Variants in THOC1 observed in about 807,000 individuals in gnomAD.
The protein encoded by THOC1 is THO complex subunit 1, also known as THO complex 1.
In THOC1, 29 loss-of-function variants were observed where a neutral mutation model predicts 97.3. That is an observed-to-expected ratio of 0.30 (90% CI 0.22 to 0.41). THOC1 has a LOEUF of 0.41. THOC1 is among the 10% of genes least tolerant of loss of function. The probability of loss-of-function intolerance (pLI) is 1.00; values close to 1 mark genes in which losing one functional copy is unlikely to be tolerated. For synonymous variants in THOC1, 255 were observed against 257.0 expected (o/e 0.99, Z 0.07); for missense variants, 529 against 761.9 (o/e 0.69, Z 3.60).
chr18:233,345 G>T (rs762275846), intron 11 of THOC1, among the ~76,000 whole-genome samples: 1 of 152,214 alleles, frequency 6.6e-6, no homozygotes. Flanking sequence ...CCAGCACTTT[G>T]GGAGGCTGAG....
At chr18:233,357 C>T (rs1191737942) in intron 11 of THOC1, among the ~76,000 whole-genome samples, 3 of 152,152 alleles carry the variant, frequency 2.0e-5, no homozygotes, top group South Asian at 2.1e-4. Context: ...GAGGCTGAGG[C>T]GGGCAGATCA....
chr18:248,992 T>C (rs181638330), intron 9 of THOC1, among the ~76,000 whole-genome samples: 197 of 152,248 alleles, frequency 1.3e-3, no homozygotes, highest in African/African-American at 4.6e-3. Context: ...CTTCATGATC[T>C]GCCCACCTCA....
At chr18:262,054 T>A (rs945703903) in intron 4 of THOC1, among the ~76,000 whole-genome samples, 1 of 152,212 alleles carries the variant, frequency 6.6e-6, no homozygotes, top group Non-Finnish European at 1.5e-5. Flanking sequence ...CATCCTTCCA[T>A]GGTTTTGTTC....
intron 4 of THOC1, chr18:260,885 G>T (rs1387619471): frequency 1.3e-5 from 2 of 152,062 alleles, no homozygotes; most frequent in African/African-American, 4.8e-5. Context: ...ATGTACATAT[G>T]GTTATGACAA....
intron 17 of THOC1, among the ~76,000 whole-genome samples, chr18:220,921 T>C (rs180944215): frequency 3.3e-5 from 5 of 152,312 alleles, no homozygotes; most frequent in Non-Finnish European, 7.4e-5. Context: ...TGACTCTCAG[T>C]GTCAGACTCT....
chr18:218,894 AT>A lies in THOC1; in HGVS notation c.1445del (p.Asn482MetfsTer6). The A allele has an allele frequency of 6.3e-7, 1 of 1,597,084 alleles. No individual in the cohort carries two copies. The highest frequency in any genetic ancestry group is 1.7e-5 in the Admixed American group (1 of 57,984). The stretch of plus-strand genomic sequence containing the variant: ...ATGAGGAGCATACTTACTTATATTC[AT>A]TTTCCACCATATTTTCAGGGTCTGC... ...EQADPENMVE[N>X]EYKAVNNSNY... On this transcript the variant is annotated frameshift_variant, in exon 18 of 21. Transcript: ENST00000261600. LOFTEE classifies it high-confidence loss of function.
At chr18:216,761 T>C in intron 18 of THOC1, 128 bp from the exon 19 acceptor site, 1 of 1,280,404 alleles carries the variant, frequency 7.8e-7, no homozygotes, top group Non-Finnish European at 1.0e-6. Flanking sequence ...TGTATTTGAA[T>C]CTTATTCCTA....
chr18:217,280 T>C (rs1910925856), intron 18 of THOC1, among the ~76,000 whole-genome samples: 1 of 152,218 alleles, frequency 6.6e-6, no homozygotes, highest in South Asian at 2.1e-4. Flanking sequence ...CCATAGACAC[T>C]GGGGACTCTT....
At chr18:259,958 CAA>C in intron 5 of THOC1, 1 of 522,666 alleles carries the variant, frequency 1.9e-6, no homozygotes, top group Non-Finnish European at 3.3e-6. Flanking sequence ...TGTGAATTTT[CAA>C]GTTAATTTTT....
chr18:229,037 C>G (rs954896254), intron 11 of THOC1, among the ~76,000 whole-genome samples: 1 of 152,178 alleles, frequency 6.6e-6, no homozygotes, highest in Non-Finnish European at 1.5e-5. Flanking sequence ...CATTTCATTT[C>G]TTGGCCCCCA....
intron 11 of THOC1, among the ~76,000 whole-genome samples, chr18:237,838 A>G (rs9949413): frequency 0.011 from 1,723 of 152,280 alleles, 40 homozygotes; most frequent in African/African-American, 0.039. Context: ...ATTGTATAAA[A>G]ACAACTAAAT....
intron 11 of THOC1, among the ~76,000 whole-genome samples, chr18:237,115 T>G (rs1200258400): frequency 6.6e-6 from 1 of 151,906 alleles, no homozygotes; most frequent in East Asian, 1.9e-4. Context: ...ACTGTGTGGC[T>G]TGAGAGATTT....
chr18:225,082 C>A lies in THOC1; in HGVS notation c.1137+7G>T. On this transcript the variant is annotated splice_region_variant and intron_variant, in intron 14 of 20. Transcript: ENST00000261600. The stretch of plus-strand genomic sequence containing the variant: ...AAGAAGAGGATGTAAGCATAAAAAA[C>A]ACATACCTCTACCATCTTTGAAAAT... The A allele has an allele frequency of 1.3e-6, 2 of 1,573,380 alleles. No individual in the cohort carries two copies. Among genetic ancestry groups the A allele is most frequent in the Non-Finnish European group, 1.7e-6 (2 of 1,157,288 alleles).
chr18:264,756 A>T (rs1912710623), intron 3 of THOC1, among the ~76,000 whole-genome samples: 1 of 152,218 alleles, frequency 6.6e-6, no homozygotes, highest in South Asian at 2.1e-4. Flanking sequence ...GCTTTTGGGG[A>T]CCCAACCTTT....
chr18:221,046 T>C (rs1424193016), intron 17 of THOC1, among the ~76,000 whole-genome samples: 1 of 152,236 alleles, frequency 6.6e-6, no homozygotes, highest in Admixed American at 6.5e-5. Context: ...TGTAGTGTTT[T>C]CATTATTATT....
At chr18:266,953 C>A (rs1240131964) in intron 1 of THOC1, among the ~76,000 whole-genome samples, 1 of 150,834 alleles carries the variant, frequency 6.6e-6, no homozygotes, top group African/African-American at 2.4e-5. Flanking sequence ...AAAATATAAT[C>A]CATTTAAAAA....
At chr18:261,156 C>A (rs559445983) in intron 4 of THOC1, 1 of 152,180 alleles carries the variant, frequency 6.6e-6, no homozygotes, top group African/African-American at 2.4e-5. Flanking sequence ...GTTTAAAGAA[C>A]AACAAAATTA....
At position 225,094 on chromosome 18, in the gene THOC1, C is replaced by T. The variant is rs1263423968; in HGVS notation, c.1132G>A (p.Val378Ile). The T allele has an allele frequency of 4.4e-6, 7 of 1,575,536 alleles. No individual in the cohort carries two copies. Among genetic ancestry groups the T allele is most frequent in the Middle Eastern group, 1.7e-4 (1 of 5,998 alleles). ...TAAGCATAAAAAACACATACCTCTACCATCTTTGAAAATCTTTCTCCATCG... is the reference window on the plus strand; with the variant it reads ...TAAGCATAAAAAACACATACCTCTATCATCTTTGAAAATCTTTCTCCATCG... The part of the protein sequence containing the change: ...PPDGERFSKM[V>I]EHILNTEENW... Residue 378 changes from valine (V) to isoleucine (I), a missense_variant, in exon 14 of 21, where the codon GTA becomes ATA. Physicochemically the swap from Val to Ile is conservative, Grantham distance 29 (BLOSUM62 3). Transcript: ENST00000261600.
chr18:220,958 C>A (rs1207912456), intron 17 of THOC1, among the ~76,000 whole-genome samples: 1 of 152,046 alleles, frequency 6.6e-6, no homozygotes, highest in African/African-American at 2.4e-5. Context: ...AGATTTCATT[C>A]TTTTTGAAAG....
Sources: allele counts gnomAD v4.1 joint callset (sites outside exome capture counted in the v4.1 genomes callset), GRCh38; gene constraint gnomAD v4.1.1; transcripts MANE v1.5; gene names NCBI Gene and HGNC (gene_info 2026-07-23, HGNC 2026-07-21).